NUP107: variants seen among roughly 807,000 people sequenced by gnomAD.
NUP107 encodes the protein nuclear pore complex protein Nup107.
Under a neutral mutation model 141.0 loss-of-function variants are expected in NUP107, and 101 were observed. The ratio of observed to expected loss-of-function variants is 0.72; its 90% CI spans 0.61 to 0.84. The LOEUF is 0.84. Among genes scored for constraint, NUP107 ranks in the 40% least tolerant of loss-of-function variants. The probability of loss-of-function intolerance (pLI) is 0.00; values close to 1 mark genes in which losing one functional copy is unlikely to be tolerated. For synonymous variants in NUP107, 319 were observed against 363.9 expected (o/e 0.88, Z 1.41); for missense variants, 941 against 1,102.7 (o/e 0.85, Z 2.08).
chr12:68,741,922 A>G lies in NUP107; in HGVS notation c.2612A>G (p.Tyr871Cys). 1.2e-6 allele frequency: 2 copies of G among 1,613,360 alleles called. No individual in the cohort carries two copies. Among genetic ancestry groups the G allele is most frequent in the South Asian group, 1.1e-5 (1 of 90,952 alleles). The change falls in exon 27 of 28, where the codon TAT becomes TGT. Residue 871 changes from tyrosine to cysteine, a missense_variant. Tyr to Cys is a radical substitution (Grantham distance 194). Transcript: ENST00000229179. ...ACGATATTGCACAGTACTGGTCAGT[A>G]TCAGGAATGCCTACAGTTAGCAGAT... ...LHTILHSTGQ[Y>C]QECLQLADMV...
chr12:68,710,259 A>G (rs981748054), intron 10 of NUP107, among the ~76,000 whole-genome samples, 166 bp downstream of exon 10: 8 of 152,338 alleles, frequency 5.3e-5, no homozygotes, highest in Admixed American at 1.3e-4. Flanking sequence ...TGGAATTTAT[A>G]ATTGTTTAAG....
chr12:68,692,695 G>C (rs1478384020), intron 5 of NUP107, among the ~76,000 whole-genome samples: 1 of 151,422 alleles, frequency 6.6e-6, no homozygotes, highest in South Asian at 2.1e-4. Flanking sequence ...CAATTCTGCA[G>C]CCTCAGCCTC....
intron 10 of NUP107, 29 bp downstream of exon 10, chr12:68,710,122 T>C: frequency 9.1e-7 from 1 of 1,094,830 alleles, no homozygotes; most frequent in South Asian, 1.3e-5. Flanking sequence ...ATTCTTAAGG[T>C]CACTCAATGT....
chr12:68,687,353 G>A (rs1875548540), intron 1 of NUP107: 1 of 814,146 alleles, frequency 1.2e-6, no homozygotes, highest in Non-Finnish European at 1.7e-6. Context: ...CCTGGGGTGG[G>A]CGGGGTAGGT....
At chr12:68,710,873 A>C (rs948232439) in intron 10 of NUP107, among the ~76,000 whole-genome samples, 2 of 152,102 alleles carry the variant, frequency 1.3e-5, no homozygotes, top group African/African-American at 2.4e-5. Flanking sequence ...GGATCTGAGC[A>C]CCCTTGGATT....
intron 8 of NUP107, chr12:68,705,916 A>G: frequency 1.1e-6 from 1 of 900,328 alleles, no homozygotes; most frequent in South Asian, 1.3e-5. Flanking sequence ...GAAGGAGCAG[A>G]TCAAGACCCT....
chr12:68,725,781 C>A lies in NUP107; in HGVS notation c.1561C>A (p.Leu521Met). The change falls in exon 18 of 28, where the codon CTG becomes ATG. Residue 521 changes from leucine to methionine, a missense_variant. Leu to Met is a conservative substitution (Grantham distance 15). Transcript: ENST00000229179. The stretch of plus-strand genomic sequence containing the variant: ...TCATATAGTTCAAAAGTTTCTTATC[C>A]TGGGAGACATTGATGGTAAGATATG... ...HYHIVQKFLILGDIDGLMDEF... is the reference protein window; with the variant it reads ...HYHIVQKFLIMGDIDGLMDEF... The A allele has an allele frequency of 6.7e-7, 1 of 1,491,996 alleles. No homozygotes were observed. Among genetic ancestry groups the A allele is most frequent in the Non-Finnish European group, 9.2e-7 (1 of 1,091,388 alleles). The allele number at this position is 1,491,996 out of a possible 1,614,324, so 92.4% of individuals were successfully genotyped here.
At chr12:68,739,797 A>T (rs1013235045) in intron 26 of NUP107, 1 of 151,912 alleles carries the variant, frequency 6.6e-6, no homozygotes, top group Middle Eastern at 3.2e-3. Context: ...AGATCGCGCC[A>T]CTGCACTCCA....
intron 24 of NUP107, 43 bp from the exon 25 acceptor site, chr12:68,734,665 C>A: frequency 7.0e-7 from 1 of 1,418,536 alleles, no homozygotes; most frequent in Non-Finnish European, 9.5e-7. Flanking sequence ...AAAGTGAAAA[C>A]TTTTGTTATT....
chr12:68,742,213 C>T, intron 27 of NUP107, 142 bp from the exon 28 acceptor site: 1 of 624,258 alleles, frequency 1.6e-6, no homozygotes, highest in Non-Finnish European at 2.7e-6. Flanking sequence ...TCCTGAACCA[C>T]TCTAATTTAC....
intron 12 of NUP107, among the ~76,000 whole-genome samples, chr12:68,717,822 G>C (rs897405060): frequency 6.6e-6 from 1 of 152,112 alleles, no homozygotes; most frequent in African/African-American, 2.4e-5. Flanking sequence ...GCCTTTTTAA[G>C]ATACCATATC....
chr12:68,711,720 AGT>A (rs1204164789), intron 10 of NUP107, among the ~76,000 whole-genome samples: 3 of 152,178 alleles, frequency 2.0e-5, no homozygotes, highest in Non-Finnish European at 2.9e-5. Context: ...GAGAACGTAA[AGT>A]GTTTGCACAA....
chr12:68,690,756 A>T lies in NUP107; in HGVS notation c.303+10A>T. ...TGGAAATCTCTCCATGGTATGTAGA[A>T]AAATAGGGCTAAGAACTCCTTTTGG... is the stretch of plus-strand genomic sequence containing the variant. On this transcript the variant is annotated intron_variant, in intron 4 of 27. Coordinates refer to ENST00000229179, the MANE Select transcript of NUP107 (RefSeq NM_020401.4). 1 of 1,613,758 alleles carries T rather than the reference A, an allele frequency of 6.2e-7. No homozygotes were observed. Among genetic ancestry groups the T allele is most frequent in the Middle Eastern group, 1.6e-4 (1 of 6,062 alleles).
chr12:68,706,159 C>T, intron 8 of NUP107: 1 of 767,056 alleles, frequency 1.3e-6, no homozygotes, highest in South Asian at 1.3e-5. Flanking sequence ...TGGAGGACTT[C>T]AAGAACAAGT....
chr12:68,706,053 C>T (rs1565691065), intron 8 of NUP107: 6 of 807,062 alleles, frequency 7.4e-6, no homozygotes, highest in Admixed American at 1.7e-5. Context: ...ACAACATGTT[C>T]GAGAGCTACA....
intron 6 of NUP107, 107 bp downstream of exon 6, chr12:68,697,029 A>C: frequency 1.8e-6 from 1 of 554,690 alleles, no homozygotes; most frequent in Non-Finnish European, 3.1e-6. Flanking sequence ...TTAGGGGAAC[A>C]GTGGCAGGAG....
intron 17 of NUP107, among the ~76,000 whole-genome samples, chr12:68,724,027 G>T (rs1877457778): frequency 1.3e-5 from 2 of 152,060 alleles, no homozygotes; most frequent in Admixed American, 1.3e-4. Context: ...ATACTAGAAA[G>T]GGAAGAACAT....
intron 18 of NUP107, 44 bp from the exon 19 acceptor site, chr12:68,726,455 T>C (rs1364390681): frequency 1.6e-6 from 2 of 1,265,478 alleles, no homozygotes; most frequent in East Asian, 2.3e-5. Context: ...TTTTTTCTTT[T>C]GATTTTATTC....
intron 8 of NUP107, among the ~76,000 whole-genome samples, chr12:68,703,399 A>G (rs34227843): frequency 0.034 from 5,165 of 151,734 alleles, 126 homozygotes; most frequent in African/African-American, 0.06. Flanking sequence ...ACACACACAC[A>G]TTTGTTTTTT....
Sources: gnomAD v4.1 joint callset for allele counts (sites outside exome capture counted in the v4.1 genomes callset) on GRCh38, gnomAD v4.1.1 for gene constraint, MANE v1.5 for transcripts, NCBI Gene and HGNC (gene_info 2026-07-23, HGNC 2026-07-21) for gene names.